TMEM87B: variants seen among roughly 807,000 people sequenced by gnomAD.
TMEM87B encodes transmembrane protein 87B.
A neutral mutation model predicts 80.3 loss-of-function variants in TMEM87B; 83 were observed. That is an observed-to-expected ratio of 1.03 (90% CI 0.87 to 1.24). The LOEUF (loss-of-function observed/expected upper bound fraction) is 1.24, where lower values mean the gene tolerates loss of function less well. TMEM87B is among the 50% of genes most tolerant of loss of function. The probability of loss-of-function intolerance (pLI) is 0.00; values close to 1 mark genes in which losing one functional copy is unlikely to be tolerated. For missense variants in TMEM87B, 625 were observed against 674.4 expected (o/e 0.93, Z 0.81); for synonymous variants, 219 against 230.5 (o/e 0.95, Z 0.45).
intron 1 of TMEM87B, among the ~76,000 whole-genome samples, chr2:112,059,549 A>G (rs188492294): frequency 9.8e-5 from 15 of 152,308 alleles, no homozygotes; most frequent in Non-Finnish European, 1.9e-4. Context: ...CCTATAGGCT[A>G]CAGTAAGAAT....
intron 14 of TMEM87B, 78 bp from the exon 15 acceptor site, chr2:112,100,544 A>G: frequency 1.2e-6 from 1 of 864,876 alleles, no homozygotes; most frequent in Non-Finnish European, 1.8e-6. Flanking sequence ...GATTTTTTAT[A>G]CAATGGCTTT....
chr2:112,090,277 G>C (rs182493398), intron 10 of TMEM87B, among the ~76,000 whole-genome samples: 1 of 152,300 alleles, frequency 6.6e-6, no homozygotes, highest in Admixed American at 6.5e-5. Context: ...TTATTCTCTA[G>C]AGAAGTATCA....
intron 1 of TMEM87B, 109 bp from the exon 2 acceptor site, chr2:112,059,868 T>C: frequency 1.5e-6 from 2 of 1,346,928 alleles, no homozygotes; most frequent in Non-Finnish European, 2.0e-6. Flanking sequence ...AAAAAAATAC[T>C]CTTGTCAGAG....
chr2:112,083,678 T>C (rs893009041), intron 8 of TMEM87B, among the ~76,000 whole-genome samples: 4 of 152,184 alleles, frequency 2.6e-5, no homozygotes, highest in Admixed American at 1.3e-4. Flanking sequence ...GTGATTCCAA[T>C]ATGCATCTAG....
At chr2:112,069,680 A>G (rs904350365) in intron 4 of TMEM87B, among the ~76,000 whole-genome samples, 1 of 152,190 alleles carries the variant, frequency 6.6e-6, no homozygotes, top group Non-Finnish European at 1.5e-5. Context: ...TGGGTATATA[A>G]TATACCCAGT....
chr2:112,067,776 A>G (rs1322172437), intron 4 of TMEM87B, among the ~76,000 whole-genome samples: 1 of 152,222 alleles, frequency 6.6e-6, no homozygotes, highest in African/African-American at 2.4e-5. Flanking sequence ...AGTCAAAGTC[A>G]CCAGTAACTT....
intron 11 of TMEM87B, among the ~76,000 whole-genome samples, chr2:112,093,239 C>T (rs1679356060): frequency 6.6e-6 from 1 of 152,154 alleles, no homozygotes; most frequent in Non-Finnish European, 1.5e-5. Flanking sequence ...TCTTTAAATT[C>T]CCTGTTTGTG....
At chr2:112,094,278 C>T (rs1198080241) in intron 11 of TMEM87B, among the ~76,000 whole-genome samples, 2 of 151,928 alleles carry the variant, frequency 1.3e-5, no homozygotes, top group Non-Finnish European at 2.9e-5. Context: ...TCTCCTGCCT[C>T]AGCCTCCCGA....
intron 6 of TMEM87B, among the ~76,000 whole-genome samples, 155 bp downstream of exon 6, chr2:112,077,437 TAA>T (rs1312615944): frequency 6.6e-6 from 1 of 152,212 alleles, no homozygotes; most frequent in African/African-American, 2.4e-5. Context: ...AATGTAACAT[TAA>T]GTTATCTTAT....
At chr2:112,063,671 A>G (rs779785967) in intron 2 of TMEM87B, among the ~76,000 whole-genome samples, 1 of 152,214 alleles carries the variant, frequency 6.6e-6, no homozygotes, top group Non-Finnish European at 1.5e-5. Context: ...CTCCTGGGCT[A>G]TGATAGGTGA....
intron 8 of TMEM87B, 79 bp downstream of exon 8, chr2:112,081,597 C>A: frequency 7.7e-7 from 1 of 1,294,516 alleles, no homozygotes; most frequent in South Asian, 1.5e-5. Context: ...TGGGAGGCCC[C>A]CTTCTGAACA....
chr2:112,093,898 A>G (rs1377593653), intron 11 of TMEM87B, among the ~76,000 whole-genome samples: 1 of 152,168 alleles, frequency 6.6e-6, no homozygotes, highest in African/African-American at 2.4e-5. Context: ...GCAGAATGAC[A>G]GTGGAGATGA....
In TMEM87B at chr2:112,067,053, T is replaced by C. The variant is rs1327605259; in HGVS notation, c.436T>C (p.Phe146Leu). The change falls in exon 4 of 19, where the codon TTT becomes CTT. Residue 146 changes from phenylalanine to leucine, a missense_variant. Phe to Leu is a conservative substitution (Grantham distance 22, BLOSUM62 0). Transcript: ENST00000283206. ...AGATTGCAACAGTGATTCACAGGTG[T>C]TTCCCTCTTTGAATGTGAGTATCTG... ...NLDCNSDSQV[F>L]PSLNNKELIN... 28 of 1,610,748 alleles carry C rather than the reference T, an allele frequency of 1.7e-5. No homozygotes were observed. The highest frequency in any genetic ancestry group is 2.3e-5 in the Non-Finnish European group (27 of 1,179,124).
rs183737976 is a variant in TMEM87B, at chr2:112,075,007, C to T, written c.501+45C>T. The stretch of plus-strand genomic sequence containing the variant: ...TTTAAATCAAATATACACAAGTTAA[C>T]GTAAGACTGAAAAAAGTCGCTGATG... On this transcript the variant is annotated intron_variant, in intron 5 of 18. Coordinates refer to ENST00000283206, the MANE Select transcript of TMEM87B (RefSeq NM_032824.3). 335 of 1,559,386 alleles carry T rather than the reference C, an allele frequency of 2.1e-4. 1 individual carries two copies. In the African/African-American group the frequency reaches 3.8e-3, roughly 18 times the overall value.
At position 112,091,760 on chromosome 2, in the gene TMEM87B, A is replaced by G; in HGVS notation, c.1081A>G (p.Ile361Val). ...TCTTGATGACATTATTTTAGCAGTT[A>G]TTGACTCCATTTTTGTGTGGTTCAT... The part of the protein sequence containing the change: ...VVLDDIILAV[I>V]DSIFVWFIFI... The change falls in exon 11 of 19, where the codon ATT becomes GTT. Residue 361 changes from isoleucine to valine, a missense_variant. Physicochemically the swap from Ile to Val is conservative, Grantham distance 29. Transcript: ENST00000283206. 1.2e-6 allele frequency: 2 copies of G among 1,613,096 alleles called. No homozygotes were observed. The highest frequency in any genetic ancestry group is 1.7e-6 in the Non-Finnish European group (2 of 1,179,356).
At chr2:112,087,549 G>A (rs1679184355) in intron 9 of TMEM87B, among the ~76,000 whole-genome samples, 1 of 151,790 alleles carries the variant, frequency 6.6e-6, no homozygotes, top group Non-Finnish European at 1.5e-5. Context: ...TCCTCTTCTT[G>A]ATAGTCACGG....
Position 112,118,815 on chromosome 2 carries a change from T to C in TMEM87B, c.*2672T>C, listed in dbSNP as rs1290671276. ...TATACATTTTGAGTTATGTATCCTT[T>C]TTTTAAAAAAAAGTTCGAGTCTGTT... On this transcript the variant is annotated 3_prime_UTR_variant, in exon 19 of 19. Coordinates refer to ENST00000283206, the MANE Select transcript of TMEM87B (RefSeq NM_032824.3). 1.3e-5 allele frequency: 2 copies of C among 152,188 alleles called. No individual in the cohort carries two copies. Among genetic ancestry groups the C allele is most frequent in the African/African-American group, 2.4e-5 (1 of 41,454 alleles). 9.4% of individuals were successfully genotyped at this position (152,188 alleles called of 1,614,324 possible).
chr2:112,076,842 TTGTGTGTGTGTGTGTGTGTGTG>T (rs70962982), intron 5 of TMEM87B, among the ~76,000 whole-genome samples: 70 of 139,172 alleles, frequency 5.0e-4, no homozygotes, highest in East Asian at 8.2e-4. Flanking sequence ...CTTTTCTGTT[TTGTGTGTGTGTGTGTGTGTGTG>T]TGTGTGTGTG....
rs1226961913 is a variant in TMEM87B, at chr2:112,082,306, A to G, written c.838+788A>G. Among the ~76,000 whole-genome samples, 4 of 152,208 alleles carry G rather than the reference A, an allele frequency of 2.6e-5. No individual in the cohort carries two copies. The East Asian group carries it at 5.8e-4, about 22-fold the overall frequency. On this transcript the variant is annotated intron_variant, in intron 8 of 18. Coordinates refer to ENST00000283206, the MANE Select transcript of TMEM87B (RefSeq NM_032824.3). ...AAGGTCTTGATCTGTTGCCCGGTCT[A>G]GAGTGCAGTGGTGCGATTTTTGCTC...
Sources: allele counts gnomAD v4.1 joint callset (sites outside exome capture counted in the v4.1 genomes callset), GRCh38; gene constraint gnomAD v4.1.1; transcripts MANE v1.5; gene names NCBI Gene and HGNC (gene_info 2026-07-23, HGNC 2026-07-21).